RPS6KA2: variants seen among roughly 807,000 people sequenced by gnomAD.
RPS6KA2 encodes ribosomal protein S6 kinase alpha-2.
In RPS6KA2, 42 loss-of-function variants were observed where a neutral mutation model predicts 91.8. The observed-to-expected ratio is 0.46, with a 90% CI of 0.36 to 0.59. The LOEUF (loss-of-function observed/expected upper bound fraction) is 0.59. Ranked by LOEUF, RPS6KA2 falls within the 20% of genes least tolerant of loss-of-function variation. RPS6KA2 has a pLI of 0.00. For missense variants in RPS6KA2, 798 were observed against 978.5 expected (o/e 0.82, Z 2.46); for synonymous variants, 414 against 393.6 (o/e 1.05, Z -0.61).
At chr6:166,449,105 C>A (rs1779770272) in intron 13 of RPS6KA2, among the ~76,000 whole-genome samples, 1 of 152,148 alleles carries the variant, frequency 6.6e-6, no homozygotes, top group Non-Finnish European at 1.5e-5. Context: ...TGTCCACTGG[C>A]TGGTATGTTT....
intron 2 of RPS6KA2, among the ~76,000 whole-genome samples, chr6:166,783,086 A>C (rs866222752): frequency 2.0e-5 from 2 of 102,060 alleles, no homozygotes; most frequent in Non-Finnish European, 4.1e-5. Flanking sequence ...TATTATTATT[A>C]TTATTATTAT....
intron 14 of RPS6KA2, 82 bp from the exon 15 acceptor site, chr6:166,432,572 A>G: frequency 2.4e-6 from 2 of 837,648 alleles, no homozygotes; most frequent in Middle Eastern, 4.8e-4. Flanking sequence ...TTGAGTTTGG[A>G]TAAAGTCTGG....
intron 2 of RPS6KA2, among the ~76,000 whole-genome samples, chr6:166,640,859 A>G (rs9348160): frequency 0.11 from 17,069 of 151,934 alleles, 1,031 homozygotes; most frequent in South Asian, 0.18. Flanking sequence ...AGCAGACTCA[A>G]CGGCGTGACC....
intron 16 of RPS6KA2, among the ~76,000 whole-genome samples, chr6:166,427,565 C>T (rs1778969769): frequency 6.6e-6 from 1 of 152,150 alleles, no homozygotes; most frequent in Non-Finnish European, 1.5e-5. Context: ...ACTGTCTCAG[C>T]CCAAAATCTC....
intron 2 of RPS6KA2, among the ~76,000 whole-genome samples, chr6:166,835,268 G>A (rs147873961): frequency 2.0e-5 from 3 of 152,262 alleles, no homozygotes; most frequent in African/African-American, 7.2e-5. Flanking sequence ...AGTTCTTTGG[G>A]TTATTCTACA....
intron 2 of RPS6KA2, among the ~76,000 whole-genome samples, chr6:166,803,547 G>A (rs1443721395): frequency 6.6e-6 from 1 of 152,234 alleles, no homozygotes; most frequent in African/African-American, 2.4e-5. Context: ...TCCCGTGTCA[G>A]GAGTCTAAAC....
At chr6:166,617,068 G>A (rs970153703) in intron 1 of RPS6KA2, among the ~76,000 whole-genome samples, 11 of 152,226 alleles carry the variant, frequency 7.2e-5, no homozygotes, top group African/African-American at 1.7e-4. Context: ...ATCGTGGGCC[G>A]AAGGCAGTCA....
At chr6:166,644,622 C>T (rs1015864515) in intron 2 of RPS6KA2, among the ~76,000 whole-genome samples, 1 of 152,050 alleles carries the variant, frequency 6.6e-6, no homozygotes, top group Non-Finnish European at 1.5e-5. Flanking sequence ...TAAATAAGGG[C>T]CCATACATAT....
intron 9 of RPS6KA2, 111 bp from the exon 10 acceptor site, chr6:166,489,032 C>T (rs759470358): frequency 2.2e-5 from 19 of 850,114 alleles, no homozygotes; most frequent in Non-Finnish European, 3.0e-5. Context: ...CAGAGCAGCC[C>T]GTGCTCTACC....
rs1280578812 is a variant in RPS6KA2 at position 166,748,687 on chromosome 6, T to C, written c.123+109513A>G. Among the ~76,000 whole-genome samples, 32 of 21,408 alleles carry C rather than the reference T, an allele frequency of 1.5e-3. 1 individual carries two copies. The highest frequency in any genetic ancestry group is 5.3e-3 in the East Asian group (2 of 374). 14.0% of individuals were successfully genotyped at this position (21,408 alleles called of 152,430 possible). ...AGGCCCCCATCTCCTCGGTCCCCCA[T>C]TTCCTCAGGCCCCCACCTCCTCAGG... On this transcript the variant is annotated intron_variant, in intron 2 of 21. Coordinates refer to the RPS6KA2 transcript ENST00000503859.
rs562262689 is a variant in RPS6KA2 at position 166,666,293 on chromosome 6, G to A, written c.124-127509C>T. ...GGCAAGGGAGCACTCTGTAAAAGCA[G>A]GGGATGATGTGTAAACCCATCCATC... is the stretch of plus-strand genomic sequence containing the variant. On this transcript the variant is annotated intron_variant, in intron 2 of 21. Coordinates refer to the RPS6KA2 transcript ENST00000503859. This position sits in a 1 kb window ranked among gnomAD's most constrained non-coding sequence, Gnocchi z 4.0. Among the ~76,000 whole-genome samples the A allele has an allele frequency of 2.2e-4, 33 of 152,318 alleles. No individual in the cohort carries two copies. The highest frequency in any genetic ancestry group is 7.7e-4 in the African/African-American group (32 of 41,570).
At chr6:166,701,797 C>T in intron 2 of RPS6KA2, 2 of 957,844 alleles carry the variant, frequency 2.1e-6, no homozygotes, top group Non-Finnish European at 3.3e-6. Flanking sequence ...TGATTTTCTT[C>T]ATGATCTCTT....
intron 2 of RPS6KA2, chr6:166,757,447 G>A: frequency 2.2e-6 from 1 of 452,838 alleles, no homozygotes; most frequent in East Asian, 7.0e-5. Flanking sequence ...CCCAAGCTCT[G>A]TCACACCCGT....
chr6:166,569,760 G>A (rs990408806), intron 1 of RPS6KA2, among the ~76,000 whole-genome samples: 1 of 152,202 alleles, frequency 6.6e-6, no homozygotes, highest in Non-Finnish European at 1.5e-5. Context: ...CAGCAAGGAT[G>A]GCAGAACACT....
rs1781709564 is a variant in RPS6KA2, at chr6:166,494,425, C to T, written c.748-3684G>A. Among the ~76,000 whole-genome samples, 1 of 152,234 alleles carries T rather than the reference C, an allele frequency of 6.6e-6. No homozygotes were observed. Among genetic ancestry groups the T allele is most frequent in the South Asian group, 2.1e-4 (1 of 4,832 alleles). ...TTGCTATGGTGGCATAAGGACACATCACATGGCACCTGAGGCGGGATGTCC... is the reference window on the plus strand; with the variant it reads ...TTGCTATGGTGGCATAAGGACACATTACATGGCACCTGAGGCGGGATGTCC... On this transcript the variant is annotated intron_variant, in intron 8 of 20. Transcript: ENST00000265678. The surrounding 1 kb of genome is among the most constrained non-coding windows in gnomAD (Gnocchi z 5.1).
intron 10 of RPS6KA2, among the ~76,000 whole-genome samples, chr6:166,473,170 A>G (rs952399618): frequency 2.0e-5 from 3 of 151,478 alleles, no homozygotes; most frequent in Non-Finnish European, 2.9e-5. Flanking sequence ...CAATGACTAA[A>G]GTGCAGTGCA....
intron 2 of RPS6KA2, among the ~76,000 whole-genome samples, chr6:166,793,755 A>G (rs1340465893): frequency 2.0e-5 from 3 of 152,246 alleles, no homozygotes; most frequent in Non-Finnish European, 4.4e-5. Flanking sequence ...AAATGGGGAA[A>G]GGATTCCCTA....
At chr6:166,430,705 G>C in intron 15 of RPS6KA2, 94 bp from the exon 16 acceptor site, 1 of 1,330,912 alleles carries the variant, frequency 7.5e-7, no homozygotes. Flanking sequence ...AGTCAGAGGG[G>C]AGAGGCTGGG....
chr6:166,461,600 A>C (rs1276831264), intron 11 of RPS6KA2, among the ~76,000 whole-genome samples: 7 of 112,940 alleles, frequency 6.2e-5, no homozygotes, highest in South Asian at 3.2e-4. Context: ...GGGGAGGGGA[A>C]GGGGGTAAGA....
Sources: allele counts gnomAD v4.1 joint callset (sites outside exome capture counted in the v4.1 genomes callset), GRCh38; gene constraint gnomAD v4.1.1; non-coding constraint Gnocchi (gnomAD v3.1); transcripts MANE v1.5; gene names NCBI Gene and HGNC (gene_info 2026-07-23, HGNC 2026-07-21).